Variants in APAF1 observed in about 807,000 individuals in gnomAD.
APAF1 encodes apoptotic protease-activating factor 1.
Under a neutral mutation model 152.4 loss-of-function variants are expected in APAF1, and 91 were observed. The ratio of observed to expected loss-of-function variants is 0.60; its 90% CI spans 0.50 to 0.71. The LOEUF is 0.71. APAF1 is among the 30% of genes least tolerant of loss of function. The pLI, the probability that APAF1 is intolerant of heterozygous loss-of-function variation, is 0.00. For synonymous variants in APAF1, 484 were observed against 494.1 expected (o/e 0.98, Z 0.27); for missense variants, 1,283 against 1,472.0 (o/e 0.87, Z 2.10).
chr12:98,696,323 C>T (rs1036338562), intron 16 of APAF1, among the ~76,000 whole-genome samples: 9 of 152,084 alleles, frequency 5.9e-5, no homozygotes, highest in African/African-American at 1.9e-4. Context: ...TTGAAGATAG[C>T]GAAACCCAGG....
chr12:98,671,409 C>G, intron 11 of APAF1, 126 bp from the exon 12 acceptor site: 1 of 881,208 alleles, frequency 1.1e-6, no homozygotes, highest in South Asian at 1.4e-5. Context: ...TAATGGTTGG[C>G]TGTTCAATTT....
chr12:98,685,552 G>A (rs1055583912), intron 15 of APAF1, among the ~76,000 whole-genome samples: 13 of 152,196 alleles, frequency 8.5e-5, no homozygotes, highest in African/African-American at 2.6e-4. Flanking sequence ...GGCCAGGATG[G>A]TCTCAATCTC....
intron 4 of APAF1, among the ~76,000 whole-genome samples, chr12:98,653,696 A>AC (rs2097652500): frequency 1.3e-4 from 11 of 83,468 alleles, no homozygotes; most frequent in African/African-American, 5.7e-4. Flanking sequence ...AAAAAAATAT[A>AC]TATATATATA....
intron 24 of APAF1, among the ~76,000 whole-genome samples, chr12:98,724,167 T>A (rs1358593052): frequency 6.6e-6 from 1 of 152,190 alleles, no homozygotes; most frequent in African/African-American, 2.4e-5. Context: ...AAGTACTCTC[T>A]TCTCTCCTTT....
At chr12:98,663,316 C>CA (rs1487654568) in intron 7 of APAF1, among the ~76,000 whole-genome samples, 1 of 152,044 alleles carries the variant, frequency 6.6e-6, no homozygotes. Context: ...TCTAAATACT[C>CA]AAAAAATAGA....
At chr12:98,695,237 G>A (rs2097708495) in intron 16 of APAF1, among the ~76,000 whole-genome samples, 1 of 151,938 alleles carries the variant, frequency 6.6e-6, no homozygotes, top group South Asian at 2.1e-4. Context: ...GTTTTTAGTA[G>A]AGACGGGATT....
chr12:98,717,357 C>T (rs769469396), intron 22 of APAF1, among the ~76,000 whole-genome samples: 1 of 151,150 alleles, frequency 6.6e-6, no homozygotes, highest in Non-Finnish European at 1.5e-5. Context: ...ATTATATACA[C>T]ACACACACAC....
At position 98,682,343 on chromosome 12, in the gene APAF1, G is replaced by A. The variant is rs371701080; in HGVS notation, c.2047-800G>A. Among the ~76,000 whole-genome samples the A allele has an allele frequency of 1.2e-4, 18 of 152,262 alleles. 1 individual carries two copies. Among genetic ancestry groups the A allele is most frequent in the East Asian group, 9.7e-4 (5 of 5,180 alleles). Reference sequence around the variant, plus strand: ...GCTGGGATTACAGGCGTGAGCCACCGCGCCCGGCCTGATGATTACTTTTTA... The same window carrying A: ...GCTGGGATTACAGGCGTGAGCCACCACGCCCGGCCTGATGATTACTTTTTA... On this transcript the variant is annotated intron_variant, in intron 14 of 26. Coordinates refer to ENST00000551964, the MANE Select transcript of APAF1 (RefSeq NM_181861.2).
Position 98,703,405 on chromosome 12 carries a change from A to G in APAF1, c.2501A>G (p.Glu834Gly). Reference sequence around the variant, plus strand: ...ATTCATACTAGTGGCCTATTGGGAGAAATCCACACGGGCCATCACAGCACC... The same window carrying G: ...ATTCATACTAGTGGCCTATTGGGAGGAATCCACACGGGCCATCACAGCACC... ...FDIHTSGLLGEIHTGHHSTIQ... is the reference protein window; with the variant it reads ...FDIHTSGLLGGIHTGHHSTIQ... The change falls in exon 18 of 27, where the codon GAA becomes GGA. Residue 834 changes from glutamate to glycine, a missense_variant. Coordinates refer to ENST00000551964, the MANE Select transcript of APAF1 (RefSeq NM_181861.2). The G allele has an allele frequency of 6.2e-7, 1 of 1,614,114 alleles. No homozygotes were observed. Among genetic ancestry groups the G allele is most frequent in the Non-Finnish European group, 8.5e-7 (1 of 1,180,002 alleles).
At chr12:98,654,397 G>A (rs1266496747) in intron 4 of APAF1, among the ~76,000 whole-genome samples, 2 of 152,092 alleles carry the variant, frequency 1.3e-5, no homozygotes, top group South Asian at 2.1e-4. Context: ...CTTTAATCTT[G>A]GGATGATTTT....
intron 16 of APAF1, among the ~76,000 whole-genome samples, chr12:98,691,263 C>T (rs2097703921): frequency 6.6e-6 from 1 of 151,976 alleles, no homozygotes; most frequent in Non-Finnish European, 1.5e-5. Flanking sequence ...TCCTTCTTTT[C>T]CTGGCACCTT....
At chr12:98,695,822 CTT>C (rs1468681828) in intron 16 of APAF1, among the ~76,000 whole-genome samples, 1 of 152,030 alleles carries the variant, frequency 6.6e-6, no homozygotes, top group Non-Finnish European at 1.5e-5. Context: ...CTTCCTGAGT[CTT>C]TTTGAAGGAC....
In APAF1 at chr12:98,733,796, CCTTTTCT is replaced by C. The variant is rs2097765450; in HGVS notation, c.*1232_*1238del. The stretch of plus-strand genomic sequence containing the variant: ...GAAAGAGTAGATTTTATTGGTCTAC[CCTTTTCT>C]CACTGTAGCTGCTGGCAGCCCTGTG... On this transcript the variant is annotated 3_prime_UTR_variant, in exon 27 of 27. Coordinates refer to ENST00000551964, the MANE Select transcript of APAF1 (RefSeq NM_181861.2). The C allele has an allele frequency of 1.3e-5, 2 of 152,110 alleles. No homozygotes were observed. Among genetic ancestry groups the C allele is most frequent in the South Asian group, 4.1e-4 (2 of 4,824 alleles). The allele number at this position is 152,110 out of a possible 1,614,324, so 9.4% of individuals were successfully genotyped here. A position where few individuals can be genotyped will look rare whatever the true frequency, so the allele number is the denominator to read the frequency against.
At chr12:98,713,689 G>C (rs1479185283) in intron 21 of APAF1, among the ~76,000 whole-genome samples, 1 of 152,134 alleles carries the variant, frequency 6.6e-6, no homozygotes, top group African/African-American at 2.4e-5. Flanking sequence ...CAAAAACCTT[G>C]GTTCCTTCTC....
chr12:98,646,349 A>G (rs1425081830), intron 1 of APAF1, among the ~76,000 whole-genome samples: 1 of 152,228 alleles, frequency 6.6e-6, no homozygotes, highest in Non-Finnish European at 1.5e-5. Context: ...CGAATCAATA[A>G]CTTTTTATCA....
In APAF1 at chr12:98,659,140, A is replaced by G. The variant is rs1593028840; in HGVS notation, c.527-20A>G. 6.2e-7 allele frequency: 1 copy of G among 1,613,720 alleles called. No homozygotes were observed. Among genetic ancestry groups the G allele is most frequent in the Non-Finnish European group, 8.5e-7 (1 of 1,179,624 alleles). ...ACTCCTGTTGAAAGGCCTTAAGTTC[A>G]TTATTCTTTCCCTCACTAGGTTGTT... is the stretch of plus-strand genomic sequence containing the variant. On this transcript the variant is annotated intron_variant, in intron 4 of 26. Coordinates refer to ENST00000551964, the MANE Select transcript of APAF1 (RefSeq NM_181861.2).
chr12:98,703,526 G>A, intron 18 of APAF1, 27 bp downstream of exon 18: 1 of 1,613,834 alleles, frequency 6.2e-7, no homozygotes, highest in Admixed American at 1.7e-5. Context: ...ATTCTGTGAA[G>A]CCTGGGTTTC....
chr12:98,649,387 T>C (rs1049269185), intron 3 of APAF1, 100 bp from the exon 4 acceptor site: 38 of 1,427,796 alleles, frequency 2.7e-5, no homozygotes, highest in Non-Finnish European at 1.6e-5. Context: ...TTGGAAATTT[T>C]CAGGCTAAGC....
intron 16 of APAF1, 107 bp from the exon 17 acceptor site, chr12:98,699,298 TTCA>T: frequency 9.3e-7 from 1 of 1,079,968 alleles, no homozygotes; most frequent in Non-Finnish European, 1.3e-6. Flanking sequence ...GTAAAAATAA[TTCA>T]TCAAGTGAAG....
Sources: allele counts gnomAD v4.1 joint callset (sites outside exome capture counted in the v4.1 genomes callset), GRCh38; gene constraint gnomAD v4.1.1; transcripts MANE v1.5; gene names NCBI Gene and HGNC (gene_info 2026-07-23, HGNC 2026-07-21).